Variants in SUGCT observed in about 807,000 individuals in gnomAD.
SUGCT encodes the protein succinyl-CoA:glutarate-CoA transferase, also known as succinyl-CoA:glutarate CoA-transferase.
A neutral mutation model predicts 55.0 loss-of-function variants in SUGCT; 41 were observed. The ratio of observed to expected loss-of-function variants is 0.74; its 90% confidence interval spans 0.58 to 0.97. The LOEUF (loss-of-function observed/expected upper bound fraction) is 0.97, where lower values mean the gene tolerates loss of function less well. SUGCT is among the 50% of genes least tolerant of loss of function. The probability of loss-of-function intolerance (pLI) is 0.00; values close to 1 mark genes in which losing one functional copy is unlikely to be tolerated. For missense variants in SUGCT, 568 were observed against 547.8 expected (o/e 1.04, Z -0.37); for synonymous variants, 187 against 200.4 (o/e 0.93, Z 0.56).
chr7:40,859,639 T>TC (rs1755863854), intron 13 of SUGCT, among the ~76,000 whole-genome samples: 1 of 152,196 alleles, frequency 6.6e-6, no homozygotes, highest in African/African-American at 2.4e-5. Flanking sequence ...CTGTCTATGA[T>TC]CTCAATTAAA....
chr7:40,170,997 C>T (rs539553303), intron 1 of SUGCT, among the ~76,000 whole-genome samples: 48 of 152,252 alleles, frequency 3.2e-4, no homozygotes, highest in Non-Finnish European at 5.3e-4. Flanking sequence ...TATTTCATAA[C>T]AACCCAGCTG....
At position 40,473,932 on chromosome 7, in the gene SUGCT, C is replaced by T. The variant is rs568160253; in HGVS notation, c.986+14734C>T. ...GTGATTAAATGTAAAATTTCTGTCTCATATTTCTCCCCCATTCTTTTACCA... is the reference window on the plus strand; with the variant it reads ...GTGATTAAATGTAAAATTTCTGTCTTATATTTCTCCCCCATTCTTTTACCA... On this transcript the variant is annotated intron_variant, in intron 11 of 13. Coordinates refer to ENST00000335693, the MANE Select transcript of SUGCT (RefSeq NM_001193313.2). Among the ~76,000 whole-genome samples the T allele has an allele frequency of 1.6e-3, 247 of 152,130 alleles. 1 individual carries two copies. The highest frequency in any genetic ancestry group is 5.7e-3 in the African/African-American group (236 of 41,524).
intron 12 of SUGCT, among the ~76,000 whole-genome samples, chr7:40,689,490 C>A (rs969924605): frequency 2.0e-5 from 3 of 152,180 alleles, no homozygotes; most frequent in Non-Finnish European, 4.4e-5. Context: ...TTTAGTGGAA[C>A]ATAATCCTCT....
At chr7:40,388,575 A>G (rs942006039) in intron 9 of SUGCT, among the ~76,000 whole-genome samples, 14 of 151,912 alleles carry the variant, frequency 9.2e-5, no homozygotes, top group African/African-American at 3.4e-4. Context: ...GCCAATATGC[A>G]TGGCTCATTT....
At chr7:40,160,096 T>C (rs1442594746) in intron 1 of SUGCT, among the ~76,000 whole-genome samples, 4 of 152,188 alleles carry the variant, frequency 2.6e-5, no homozygotes, top group Non-Finnish European at 4.4e-5. Context: ...TCATATGTCA[T>C]TTTGCTGTAG....
At chr7:40,420,452 C>A (rs369362111) in intron 9 of SUGCT, among the ~76,000 whole-genome samples, 1 of 152,108 alleles carries the variant, frequency 6.6e-6, no homozygotes, top group Non-Finnish European at 1.5e-5. Context: ...GATCCTCCTG[C>A]TTCAGCCTCC....
intron 9 of SUGCT, among the ~76,000 whole-genome samples, chr7:40,371,760 A>G (rs778445836): frequency 6.6e-5 from 10 of 152,028 alleles, no homozygotes; most frequent in Non-Finnish European, 1.0e-4. Context: ...ATTAACATCA[A>G]TATTGTTCTG....
At chr7:40,315,525 G>A (rs1347428958) in intron 8 of SUGCT, among the ~76,000 whole-genome samples, 1 of 152,208 alleles carries the variant, frequency 6.6e-6, no homozygotes, top group East Asian at 1.9e-4. Flanking sequence ...AGCGGTAAAT[G>A]AACATAAAAG....
intron 13 of SUGCT, among the ~76,000 whole-genome samples, chr7:40,787,256 G>A (rs1378043498): frequency 6.6e-6 from 1 of 152,150 alleles, no homozygotes; most frequent in Non-Finnish European, 1.5e-5. Context: ...TACCAAGAGA[G>A]TTAGGGCTTC....
chr7:40,589,978 C>T (rs938696603), intron 12 of SUGCT, among the ~76,000 whole-genome samples: 1 of 152,098 alleles, frequency 6.6e-6, no homozygotes, highest in Admixed American at 6.6e-5. Flanking sequence ...TTGTGTTGAG[C>T]AAATCTACTG....
chr7:40,922,361 TTGCC>T, the SUGCT span, among the ~76,000 whole-genome samples: 1 of 152,180 alleles, frequency 6.6e-6, no homozygotes, highest in African/African-American at 2.4e-5. Context: ...CTTTGGCTCT[TTGCC>T]TGTGCTTTTT....
chr7:40,914,278 C>CTTTTTCT, the SUGCT span, among the ~76,000 whole-genome samples: 19,166 of 82,198 alleles, frequency 0.23, 1,605 homozygotes, highest in African/African-American at 0.36. Context: ...TTTTCTTTTT[C>CTTTTTCT]TTTTTTTTTT....
At chr7:40,641,982 C>A (rs1800290552) in intron 12 of SUGCT, among the ~76,000 whole-genome samples, 1 of 152,200 alleles carries the variant, frequency 6.6e-6, no homozygotes, top group South Asian at 2.1e-4. Flanking sequence ...AATTTCCAGT[C>A]TGCAGAGGTC....
intron 12 of SUGCT, among the ~76,000 whole-genome samples, chr7:40,695,658 T>C (rs571928332): frequency 2.6e-5 from 4 of 152,332 alleles, no homozygotes; most frequent in South Asian, 4.1e-4. Context: ...AAAGGCTTTT[T>C]TTCAGACAGG....
the SUGCT span, among the ~76,000 whole-genome samples, chr7:40,941,485 C>T: frequency 6.6e-6 from 1 of 152,008 alleles, no homozygotes; most frequent in African/African-American, 2.4e-5. Flanking sequence ...TTTGTGGCCT[C>T]TCATATAATC....
At chr7:40,630,578 A>G (rs1562912587) in intron 12 of SUGCT, among the ~76,000 whole-genome samples, 1 of 152,224 alleles carries the variant, frequency 6.6e-6, no homozygotes, top group Non-Finnish European at 1.5e-5. Context: ...ATCTCAGTAA[A>G]TGGAGAAGAG....
Position 40,293,660 on chromosome 7 carries a change from G to A in SUGCT, c.720+19004G>A, listed in dbSNP as rs534221842. On this transcript the variant is annotated intron_variant, in intron 8 of 13. Transcript: ENST00000335693. ...TAGCACCCCAGATAACTCTGATGCA[G>A]TAGACCCAGGGGTTACAATTTAAAA... Among the ~76,000 whole-genome samples, 125 of 152,334 alleles carry A rather than the reference G, an allele frequency of 8.2e-4. No homozygotes were observed. The Middle Eastern group carries it at 0.01, about 12-fold the overall frequency.
At chr7:40,821,501 A>G (rs900933754) in intron 13 of SUGCT, among the ~76,000 whole-genome samples, 6 of 152,160 alleles carry the variant, frequency 3.9e-5, no homozygotes, top group African/African-American at 1.4e-4. Flanking sequence ...GGGAGGGTGT[A>G]TGTGTCCAGG....
At chr7:40,986,485 C>T in the SUGCT span, among the ~76,000 whole-genome samples, 1 of 152,196 alleles carries the variant, frequency 6.6e-6, no homozygotes, top group African/African-American at 2.4e-5. Flanking sequence ...GAGCCACTGA[C>T]TATAACCCTT....
Sources: gnomAD v4.1 joint callset for allele counts (sites outside exome capture counted in the v4.1 genomes callset) on GRCh38, gnomAD v4.1.1 for gene constraint, MANE v1.5 for transcripts, NCBI Gene and HGNC (gene_info 2026-07-23, HGNC 2026-07-21) for gene names.